The following PRSS23 variants were observed in gnomAD, a reference collection of about 807,000 sequenced individuals.
The protein encoded by PRSS23 is protease, serine 23.
PRSS23 carries 25 observed loss-of-function variants against 34.7 expected under a neutral mutation model. That is an observed-to-expected ratio of 0.72 (90% CI 0.53 to 1.01). PRSS23 has a LOEUF of 1.01. PRSS23 is among the 50% of genes least tolerant of loss of function. The pLI is 0.00. For missense variants in PRSS23, 445 were observed against 475.6 expected (o/e 0.94, Z 0.60); for synonymous variants, 176 against 186.6 (o/e 0.94, Z 0.46).
At chr11:86,860,312 C>A (rs1948604363) in intron 2 of PRSS23, among the ~76,000 whole-genome samples, 1 of 151,894 alleles carries the variant, frequency 6.6e-6, no homozygotes, top group African/African-American at 2.4e-5. Flanking sequence ...AGATATCATT[C>A]CTAATATCCA....
rs191219152 is a variant in PRSS23, at chr11:86,894,014, G to A, written c.207-57202G>A. Among the ~76,000 whole-genome samples, 522 of 152,212 alleles carry A rather than the reference G, an allele frequency of 3.4e-3. 5 individuals are homozygous for A. Among genetic ancestry groups the A allele is most frequent in the African/African-American group, 0.012 (502 of 41,548 alleles). Reference sequence around the variant, plus strand: ...ATTTGTCTTCCGTTTTTGTTTGTTTGTTTTTGTTTTTGTTTTTGAGATGGA... The same window carrying A: ...ATTTGTCTTCCGTTTTTGTTTGTTTATTTTTGTTTTTGTTTTTGAGATGGA... On this transcript the variant is annotated intron_variant, in intron 2 of 2. Transcript: ENST00000533902.
chr11:86,807,097 C>T (rs1948110005), intron 1 of PRSS23, among the ~76,000 whole-genome samples: 1 of 152,182 alleles, frequency 6.6e-6, no homozygotes, highest in South Asian at 2.1e-4. Flanking sequence ...AATTGTGACA[C>T]TGTGGAGCTG....
intron 2 of PRSS23, among the ~76,000 whole-genome samples, chr11:86,913,412 T>C (rs1321185006): frequency 2.0e-5 from 3 of 151,280 alleles, no homozygotes; most frequent in Non-Finnish European, 4.4e-5. Context: ...TTTTTTTTTT[T>C]TCAATAGTCT....
intron 2 of PRSS23, among the ~76,000 whole-genome samples, chr11:86,898,827 C>T (rs1205177525): frequency 6.6e-6 from 1 of 152,184 alleles, no homozygotes; most frequent in African/African-American, 2.4e-5. Flanking sequence ...ACAAGGCACA[C>T]CTCTCTGGGT....
At chr11:86,819,885 T>G (rs12364926) in intron 1 of PRSS23, among the ~76,000 whole-genome samples, 87 of 152,246 alleles carry the variant, frequency 5.7e-4, no homozygotes, top group Non-Finnish European at 1.0e-3. Context: ...AATGTTTTCA[T>G]CCTTAGTGCC....
chr11:86,878,380 A>T (rs1948740647), intron 2 of PRSS23, among the ~76,000 whole-genome samples: 1 of 151,472 alleles, frequency 6.6e-6, no homozygotes, highest in African/African-American at 2.4e-5. Context: ...CTCCTGCCTC[A>T]GCCTGCCAAG....
At chr11:86,936,585 A>T (rs1294895226) in intron 2 of PRSS23, 2 of 152,012 alleles carry the variant, frequency 1.3e-5, no homozygotes, top group Non-Finnish European at 2.9e-5. Context: ...ACTTTTTTTA[A>T]TGTGGGGAAA....
At chr11:86,895,506 G>A (rs1948868947) in intron 2 of PRSS23, among the ~76,000 whole-genome samples, 1 of 99,372 alleles carries the variant, frequency 1.0e-5, no homozygotes, top group South Asian at 3.4e-4. Context: ...TTTTGAGATA[G>A]GGTCTCACTC....
At chr11:86,952,494 C>T (rs1409759061) in exon 3 of PRSS23, 1 of 1,607,016 alleles carries the variant, frequency 6.2e-7, no homozygotes, top group East Asian at 2.2e-5. Flanking sequence ...AAAATGAACA[C>T]ACACAAAAAA....
chr11:86,880,291 C>G (rs1226051049), intron 2 of PRSS23, among the ~76,000 whole-genome samples: 3 of 149,974 alleles, frequency 2.0e-5, no homozygotes, highest in African/African-American at 7.4e-5. Flanking sequence ...CTCAAGTACC[C>G]AGGGACACAA....
At chr11:86,833,337 C>G in intron 2 of PRSS23, 2 of 1,027,552 alleles carry the variant, frequency 1.9e-6, no homozygotes, top group Non-Finnish European at 3.0e-6. Flanking sequence ...TGAGCAGATT[C>G]TCCAGCACCA....
intron 1 of PRSS23, among the ~76,000 whole-genome samples, chr11:86,805,373 C>T (rs1398469338): frequency 6.6e-6 from 1 of 152,218 alleles, no homozygotes; most frequent in East Asian, 1.9e-4. Context: ...ACTCAGCTAG[C>T]ATTGGCATCC....
intron 2 of PRSS23, among the ~76,000 whole-genome samples, chr11:86,834,262 T>C (rs1013016955): frequency 2.0e-5 from 3 of 152,174 alleles, no homozygotes; most frequent in Admixed American, 2.0e-4. Context: ...GGTGAAGGGT[T>C]TTAAGTAATT....
intron 1 of PRSS23, chr11:86,821,366 G>A: frequency 1.1e-6 from 1 of 946,762 alleles, no homozygotes; most frequent in Admixed American, 2.1e-5. Context: ...TCCTAGTTTT[G>A]CTACGGATTA....
intron 2 of PRSS23, among the ~76,000 whole-genome samples, chr11:86,880,645 C>T (rs1300679491): frequency 6.6e-6 from 1 of 152,148 alleles, no homozygotes; most frequent in East Asian, 1.9e-4. Context: ...CCTCCCTCCC[C>T]TTGCCCTCCA....
intron 2 of PRSS23, among the ~76,000 whole-genome samples, chr11:86,846,863 G>T (rs1948490082): frequency 6.6e-6 from 1 of 152,188 alleles, no homozygotes; most frequent in Non-Finnish European, 1.5e-5. Context: ...ACCATAGTGT[G>T]TAGTCCCCCA....
In PRSS23 at chr11:86,854,057, G is replaced by T. The variant is rs553078254; in HGVS notation, c.206+30464G>T. On this transcript the variant is annotated intron_variant, in intron 2 of 2. Transcript: ENST00000533902. ...ACTCTGTCGCCCAGGCTGGAGTGCA[G>T]TGGCACGATCTCGGCTCACTGCAAG... 5.9e-4 allele frequency among the ~76,000 whole-genome samples: 90 copies of T among 152,260 alleles called. 1 individual carries two copies. Among genetic ancestry groups the T allele is most frequent in the African/African-American group, 2.1e-3 (87 of 41,544 alleles).
intron 2 of PRSS23, among the ~76,000 whole-genome samples, chr11:86,859,982 T>A (rs1407353409): frequency 6.6e-6 from 1 of 151,894 alleles, no homozygotes; most frequent in Non-Finnish European, 1.5e-5. Flanking sequence ...CCAATATCGC[T>A]GGTGGTGTAT....
chr11:86,915,094 C>G (rs1949003378), intron 2 of PRSS23, among the ~76,000 whole-genome samples: 1 of 149,850 alleles, frequency 6.7e-6, no homozygotes, highest in Non-Finnish European at 1.5e-5. Context: ...ATCAGTCCAG[C>G]TGCCTGGGAA....
Sources: gnomAD v4.1 joint callset for allele counts (sites outside exome capture counted in the v4.1 genomes callset) on GRCh38, gnomAD v4.1.1 for gene constraint, MANE v1.5 for transcripts, NCBI Gene and HGNC (gene_info 2026-07-23, HGNC 2026-07-21) for gene names.